The following RBBP5 variants were observed in gnomAD, a reference collection of about 807,000 sequenced individuals.
RBBP5 encodes retinoblastoma-binding protein 5.
A neutral mutation model predicts 72.2 loss-of-function variants in RBBP5; 5 were observed. The ratio of observed to expected loss-of-function variants is 0.07; its 90% CI spans 0.04 to 0.15. The LOEUF (loss-of-function observed/expected upper bound fraction) is 0.15. Ranked by LOEUF, RBBP5 falls within the 10% of genes least tolerant of loss-of-function variation. RBBP5 has a pLI of 1.00. For synonymous variants in RBBP5, 209 were observed against 237.2 expected, an observed-to-expected ratio of 0.88 and a Z score of 1.09; for missense variants, 322 against 652.2, an observed-to-expected ratio of 0.49 and a Z score of 5.51.
intron 12 of RBBP5, 76 bp downstream of exon 12, chr1:205,096,606 G>A: frequency 2.9e-6 from 4 of 1,376,964 alleles, no homozygotes; most frequent in Non-Finnish European, 4.0e-6. Flanking sequence ...GCTCAAACAG[G>A]AAATTACCAG....
At chr1:205,115,101 T>C in intron 2 of RBBP5, 140 bp from the exon 3 acceptor site, 3 of 825,212 alleles carry the variant, frequency 3.6e-6, no homozygotes, top group Non-Finnish European at 5.7e-6. Context: ...TGTGTCTTCT[T>C]ATATCTATTA....
Position 205,099,616 on chromosome 1 carries a change from A to C in RBBP5, c.978+125T>G. 1 of 1,033,794 alleles carries C rather than the reference A, an allele frequency of 9.7e-7. No homozygotes were observed. The highest frequency in any genetic ancestry group is 1.4e-6 in the Non-Finnish European group (1 of 706,208). 64.0% of individuals were successfully genotyped at this position (1,033,794 alleles called of 1,614,324 possible). A position where few individuals can be genotyped will look rare whatever the true frequency, so the allele number is the denominator to read the frequency against. On this transcript the variant is annotated intron_variant, in intron 9 of 13. Transcript: ENST00000264515. The surrounding 1 kb of genome is among the most constrained non-coding windows in gnomAD (Gnocchi z 4.7). ...GCAACTAGATGCACTGAACCTATGT[A>C]ATTTAGGTTGCGAGAATCATATGCA... is the stretch of plus-strand genomic sequence containing the variant.
chr1:205,096,743 G>C lies in RBBP5; in HGVS notation c.1335C>G (p.Ser445=). Residue 445 remains serine (S), a synonymous_variant, in exon 12 of 14, where the codon TCC becomes TCG. Transcript: ENST00000264515. ...TTTTGGGTTTCTTCTTAGGTGGCTG[G>C]GACCCATCTGCTGAGGACTGCCTCT... is the stretch of plus-strand genomic sequence containing the variant. ...EKKRQSSADG[S]QPPKKKPKTT... 6.2e-7 allele frequency: 1 copy of C among 1,614,142 alleles called. No individual in the cohort carries two copies. Among genetic ancestry groups the C allele is most frequent in the Non-Finnish European group, 8.5e-7 (1 of 1,180,024 alleles).
At chr1:205,113,677 A>G (rs1656406404) in intron 3 of RBBP5, among the ~76,000 whole-genome samples, 1 of 135,732 alleles carries the variant, frequency 7.4e-6, no homozygotes, top group African/African-American at 2.7e-5. Flanking sequence ...CACACACATA[A>G]AAATGTGTAT....
At chr1:205,117,111 G>A (rs979641405) in intron 1 of RBBP5, among the ~76,000 whole-genome samples, 2 of 152,008 alleles carry the variant, frequency 1.3e-5, no homozygotes, top group Non-Finnish European at 2.9e-5. Context: ...GAGGGCAGTG[G>A]TGCAATCTTG....
intron 13 of RBBP5, among the ~76,000 whole-genome samples, chr1:205,093,334 G>A (rs956886073): frequency 1.3e-5 from 2 of 149,608 alleles, no homozygotes; most frequent in Non-Finnish European, 3.0e-5. Context: ...GGTGGTGCAC[G>A]CCTGTAATCC....
intron 3 of RBBP5, among the ~76,000 whole-genome samples, chr1:205,113,904 C>CA (rs1656420750): frequency 6.6e-6 from 1 of 151,826 alleles, no homozygotes; most frequent in Non-Finnish European, 1.5e-5. Context: ...AGGCCAGTCT[C>CA]AAACTCCTGA....
At chr1:205,094,078 A>G (rs1032633630) in intron 13 of RBBP5, among the ~76,000 whole-genome samples, 1 of 152,216 alleles carries the variant, frequency 6.6e-6, no homozygotes, top group Admixed American at 6.5e-5. Flanking sequence ...TAAACAAGAG[A>G]CCAATTAGCC....
At chr1:205,120,351 G>A (rs1656690277) in intron 1 of RBBP5, among the ~76,000 whole-genome samples, 2 of 152,032 alleles carry the variant, frequency 1.3e-5, no homozygotes, top group African/African-American at 2.4e-5. Context: ...CTAGGCATTC[G>A]AGAACCAACA....
At chr1:205,102,787 A>T (rs907036806) in intron 5 of RBBP5, among the ~76,000 whole-genome samples, 3 of 152,090 alleles carry the variant, frequency 2.0e-5, no homozygotes, top group African/African-American at 7.2e-5. Context: ...TGAGGTTGGG[A>T]GTTCAAGACC....
Position 205,100,139 on chromosome 1 carries a change from T to C in RBBP5, c.752+13A>G, listed in dbSNP as rs370171076. 144 of 1,614,118 alleles carry C rather than the reference T, an allele frequency of 8.9e-5. No homozygotes were observed. The highest frequency in any genetic ancestry group is 1.2e-4 in the Non-Finnish European group (137 of 1,180,046). On this transcript the variant is annotated intron_variant, in intron 7 of 13. Transcript: ENST00000264515. The stretch of plus-strand genomic sequence containing the variant: ...ATGAATGATCACATATTCTTCTAGG[T>C]TGTGATACATACCTATTCACCAAAT...
chr1:205,111,459 T>G (rs577865825), intron 3 of RBBP5, among the ~76,000 whole-genome samples: 53 of 152,298 alleles, frequency 3.5e-4, no homozygotes, highest in Admixed American at 2.6e-4. Flanking sequence ...GCAACCATAA[T>G]CTCAAACTCA....
Position 205,088,658 on chromosome 1 carries a change from C to T in RBBP5, c.*129G>A. ...CTTCTTCATTTAAACATAAAATTCA[C>T]CCTCCCACCTCCTGGGTGGGAGGCA... On this transcript the variant is annotated 3_prime_UTR_variant, in exon 14 of 14. Transcript: ENST00000264515. 3.5e-6 allele frequency: 3 copies of T among 859,238 alleles called. No individual in the cohort carries two copies. The highest frequency in any genetic ancestry group is 3.2e-5 in the South Asian group (2 of 61,786). 53.2% of individuals were successfully genotyped at this position (859,238 alleles called of 1,614,324 possible).
rs1655652804 is a variant in RBBP5, at chr1:205,097,237, T to C, written c.1166+89A>G. ...CTTTTAGCTAATAAGCAGACGGGAA[T>C]GAAGGGATAGCCAGGGAAACTGCAG... is the stretch of plus-strand genomic sequence containing the variant. On this transcript the variant is annotated intron_variant, in intron 11 of 13. Coordinates refer to ENST00000264515, the MANE Select transcript of RBBP5 (RefSeq NM_005057.4). 1.1e-5 allele frequency: 14 copies of C among 1,262,258 alleles called. No individual in the cohort carries two copies. In the South Asian group the frequency reaches 1.7e-4, roughly 15 times the overall value. 78.2% of individuals were successfully genotyped at this position (1,262,258 alleles called of 1,614,324 possible).
intron 12 of RBBP5, among the ~76,000 whole-genome samples, chr1:205,095,823 G>C (rs1217319564): frequency 2.0e-5 from 3 of 152,198 alleles, no homozygotes; most frequent in African/African-American, 7.2e-5. Context: ...AACAGTGTCT[G>C]AAACAGAGTA....
At chr1:205,120,597 C>T (rs1310476019) in intron 1 of RBBP5, among the ~76,000 whole-genome samples, 1 of 152,114 alleles carries the variant, frequency 6.6e-6, no homozygotes, top group Non-Finnish European at 1.5e-5. Context: ...GCCTGGCCAA[C>T]ACAGTGAAAC....
At chr1:205,100,421 A>G in intron 6 of RBBP5, 150 bp from the exon 7 acceptor site, 2 of 1,001,926 alleles carry the variant, frequency 2.0e-6, no homozygotes, top group Non-Finnish European at 2.8e-6. Flanking sequence ...CCAAACCAAA[A>G]TACAATTTTA....
Position 205,093,458 on chromosome 1 carries a change from C to CCAA in RBBP5, c.1588+1414_1588+1415insTTG, listed in dbSNP as rs1553352080. ...TGGGGACAAGAGTGAAACTCCGTTT[C>CCAA]AAAAAAAAAAAAAAAAAAAAAATAT... On this transcript the variant is annotated intron_variant, in intron 13 of 13. Coordinates refer to ENST00000264515, the MANE Select transcript of RBBP5 (RefSeq NM_005057.4). Among the ~76,000 whole-genome samples the CCAA allele has an allele frequency of 3.4e-3, 63 of 18,316 alleles. 10 individuals are homozygous for CCAA. The highest frequency in any genetic ancestry group is 0.062 in the Middle Eastern group (1 of 16). The allele number at this position is 18,316 out of a possible 152,430, so 12.0% of individuals were successfully genotyped here.
intron 1 of RBBP5, among the ~76,000 whole-genome samples, chr1:205,118,018 C>G (rs1462551654): frequency 6.6e-6 from 1 of 151,794 alleles, no homozygotes; most frequent in Non-Finnish European, 1.5e-5. Context: ...CCATGTTGAC[C>G]AGGCTGGTCT....
Sources: allele counts gnomAD v4.1 joint callset (sites outside exome capture counted in the v4.1 genomes callset), GRCh38; gene constraint gnomAD v4.1.1; non-coding constraint Gnocchi (gnomAD v3.1); transcripts MANE v1.5; gene names NCBI Gene and HGNC (gene_info 2026-07-23, HGNC 2026-07-21).